Variants in EXOC2 observed in about 807,000 individuals in gnomAD.
EXOC2 encodes the protein exocyst complex component 2, also known as SEC5-like 1.
In EXOC2, 70 loss-of-function variants were observed where a neutral mutation model predicts 131.8. That is an observed-to-expected ratio of 0.53 (90% confidence interval 0.44 to 0.65). The LOEUF (loss-of-function observed/expected upper bound fraction) is 0.65, where lower values mean the gene tolerates loss of function less well. EXOC2 is among the 30% of genes least tolerant of loss of function. The pLI is 0.00. For synonymous variants in EXOC2, 411 were observed against 398.4 expected (o/e 1.03, Z -0.38); for missense variants, 923 against 1,108.6 (o/e 0.83, Z 2.38).
chr6:682,074 C>T (rs1435950738), intron 1 of EXOC2, among the ~76,000 whole-genome samples: 1 of 152,210 alleles, frequency 6.6e-6, no homozygotes, highest in East Asian at 1.9e-4. Context: ...GGGCTGGGAA[C>T]AGGAACCTGC....
intron 22 of EXOC2, among the ~76,000 whole-genome samples, chr6:548,324 G>A (rs542487992): frequency 3.5e-4 from 54 of 152,220 alleles, no homozygotes; most frequent in African/African-American, 1.3e-3. Flanking sequence ...CCCTGAGTGC[G>A]TGTTGATTAT....
chr6:625,378 A>G (rs1761504890), intron 4 of EXOC2, among the ~76,000 whole-genome samples: 1 of 152,238 alleles, frequency 6.6e-6, no homozygotes, highest in African/African-American at 2.4e-5. Context: ...GGCGGATGGA[A>G]GACGGAGGGG....
rs1473959195 is a variant in EXOC2 at position 657,210 on chromosome 6, T to TA, written c.-43-19350dup. 86 of 355,938 alleles carry TA rather than the reference T, an allele frequency of 2.4e-4. No individual in the cohort carries two copies. The Middle Eastern group carries it at 2.8e-3, about 12-fold the overall frequency. 22.0% of individuals were successfully genotyped at this position (355,938 alleles called of 1,614,324 possible). A position where few individuals can be genotyped will look rare whatever the true frequency, so the allele number is the denominator to read the frequency against. On this transcript the variant is annotated intron_variant, in intron 1 of 27. Transcript: ENST00000230449. ...AATGCTTCCGTTTCCACTCCGGTTA[T>TA]AAGAAGAGTAGGCATTCCACTGCTG...
At chr6:564,952 T>C (rs758834847) in intron 13 of EXOC2, 23 bp from the exon 14 acceptor site, 5 of 1,551,746 alleles carry the variant, frequency 3.2e-6, no homozygotes, top group East Asian at 2.4e-5. Flanking sequence ...AAAAACAAAA[T>C]AAAACATATT....
rs185159145 is a variant in EXOC2 at position 537,270 on chromosome 6, G to A, written c.2239-4660C>T. ...GGAGGGCACACACGAGATGACGGCC[G>A]ACGGAGCGTACACTCGAGTTGACAG... is the stretch of plus-strand genomic sequence containing the variant. On this transcript the variant is annotated intron_variant, in intron 22 of 27. Coordinates refer to ENST00000230449, the MANE Select transcript of EXOC2 (RefSeq NM_018303.6). 5.6e-3 allele frequency among the ~76,000 whole-genome samples: 847 copies of A among 150,174 alleles called. 9 individuals are homozygous for A. Among genetic ancestry groups the A allele is most frequent in the African/African-American group, 0.02 (793 of 40,542 alleles).
chr6:609,221 G>A (rs949189176), intron 7 of EXOC2, among the ~76,000 whole-genome samples: 1 of 152,140 alleles, frequency 6.6e-6, no homozygotes, highest in East Asian at 1.9e-4. Flanking sequence ...CACTTAAGCC[G>A]GAAGGGCAAA....
intron 7 of EXOC2, among the ~76,000 whole-genome samples, chr6:607,109 G>A (rs1279658735): frequency 1.3e-5 from 2 of 152,184 alleles, no homozygotes; most frequent in East Asian, 1.9e-4. Context: ...GGCTGGAGGG[G>A]AACTGTACTT....
intron 25 of EXOC2, among the ~76,000 whole-genome samples, chr6:496,833 C>A (rs1763771807): frequency 1.3e-5 from 2 of 152,206 alleles, no homozygotes; most frequent in South Asian, 4.1e-4. Context: ...AAACTCACTG[C>A]CACGCTGCCA....
intron 1 of EXOC2, among the ~76,000 whole-genome samples, chr6:641,562 C>T (rs1207199510): frequency 3.3e-5 from 5 of 152,048 alleles, no homozygotes; most frequent in Admixed American, 6.6e-5. Flanking sequence ...ATCATGCCTA[C>T]GTAACTTATT....
intron 23 of EXOC2, among the ~76,000 whole-genome samples, chr6:503,934 A>T (rs924301392): frequency 3.9e-5 from 6 of 152,162 alleles, no homozygotes; most frequent in African/African-American, 1.4e-4. Flanking sequence ...TAAAGCACTC[A>T]CTTCCAATTG....
Position 576,871 on chromosome 6 carries a change from G to A in EXOC2, c.1204C>T (p.Leu402=). The A allele has an allele frequency of 3.1e-6, 5 of 1,613,960 alleles. No individual in the cohort carries two copies. The highest frequency in any genetic ancestry group is 4.2e-6 in the Non-Finnish European group (5 of 1,179,954). The part of the protein sequence containing the change: ...YVKDLKGNPG[L]HSPMLDLDND... ...TCAAGATCCAACATGGGACTGTGCAGGCCTGGGTTACCTGGGGAAGAAAGG... is the reference window on the plus strand; with the variant it reads ...TCAAGATCCAACATGGGACTGTGCAAGCCTGGGTTACCTGGGGAAGAAAGG... Residue 402 remains leucine (L), a synonymous_variant, in exon 12 of 28, where the codon CTG becomes TTG. Transcript: ENST00000230449.
intron 23 of EXOC2, among the ~76,000 whole-genome samples, chr6:512,667 C>T (rs1764921187): frequency 1.3e-5 from 2 of 152,114 alleles, no homozygotes; most frequent in South Asian, 2.1e-4. Context: ...AAAACGACAC[C>T]GTATTGTTAG....
chr6:663,419 C>A (rs527995901), intron 1 of EXOC2, among the ~76,000 whole-genome samples: 105 of 152,050 alleles, frequency 6.9e-4, no homozygotes, highest in Admixed American at 1.5e-3. Flanking sequence ...AAAGAAGGAA[C>A]CCTCCCTAAT....
chr6:619,353 A>G, intron 5 of EXOC2, 77 bp downstream of exon 5: 1 of 1,227,260 alleles, frequency 8.1e-7, no homozygotes, highest in Non-Finnish European at 1.2e-6. Flanking sequence ...CCAGACCTAA[A>G]ACTCGAGTTA....
intron 11 of EXOC2, among the ~76,000 whole-genome samples, chr6:582,563 G>A (rs953099669): frequency 4.0e-5 from 6 of 149,760 alleles, no homozygotes; most frequent in Admixed American, 2.0e-4. Flanking sequence ...AGCCTCCGCA[G>A]ACGCAGGCAG....
intron 23 of EXOC2, among the ~76,000 whole-genome samples, chr6:521,235 A>G (rs1253625009): frequency 9.6e-5 from 8 of 82,914 alleles, no homozygotes; most frequent in South Asian, 4.8e-4. Context: ...CCCACTGAGC[A>G]CCGACACGCA....
chr6:619,547 AG>A lies in EXOC2; in HGVS notation c.423-5del. On this transcript the variant is annotated splice_region_variant and splice_polypyrimidine_tract_variant and intron_variant, in intron 4 of 27. Transcript: ENST00000230449. Reference sequence around the variant, plus strand: ...GTCCTTCTGCGAAAATTTACTTCTGAGGGGAAAAAACGTTTAAAATATATTT... The same window carrying A: ...GTCCTTCTGCGAAAATTTACTTCTGAGGGAAAAAACGTTTAAAATATATTT... 1 of 1,603,478 alleles carries A rather than the reference AG, an allele frequency of 6.2e-7. No individual in the cohort carries two copies. Among genetic ancestry groups the A allele is most frequent in the Non-Finnish European group, 8.5e-7 (1 of 1,170,724 alleles).
chr6:488,427 G>T (rs893050459), intron 27 of EXOC2, among the ~76,000 whole-genome samples: 5 of 152,174 alleles, frequency 3.3e-5, no homozygotes, highest in Non-Finnish European at 5.9e-5. Flanking sequence ...CCTGTTCTAT[G>T]AGTAGTAAAG....
chr6:556,598 A>T, intron 17 of EXOC2, 34 bp from the exon 18 acceptor site: 1 of 1,610,040 alleles, frequency 6.2e-7, no homozygotes, highest in Non-Finnish European at 8.5e-7. Context: ...AAAACTCAAA[A>T]ATGAGCACTG....
Sources: allele counts gnomAD v4.1 joint callset (sites outside exome capture counted in the v4.1 genomes callset), GRCh38; gene constraint gnomAD v4.1.1; transcripts MANE v1.5; gene names NCBI Gene and HGNC (gene_info 2026-07-23, HGNC 2026-07-21).